ANKS4B: variants seen among roughly 807,000 people sequenced by gnomAD.
The protein encoded by ANKS4B is ankyrin repeat and sterile alpha motif domain containing 4B.
In ANKS4B, 21 loss-of-function variants were observed where a neutral mutation model predicts 20.2. That is an observed-to-expected ratio of 1.04 (90% CI 0.74 to 1.50). The LOEUF is 1.50. Ranked by LOEUF, ANKS4B falls within the 40% of genes most tolerant of loss-of-function variation. ANKS4B has a pLI of 0.00. For synonymous variants in ANKS4B, 179 were observed against 194.5 expected, an observed-to-expected ratio of 0.92 and a Z score of 0.66; for missense variants, 473 against 494.6, an observed-to-expected ratio of 0.96 and a Z score of 0.41.
At position 21,233,917 on chromosome 16, in the gene ANKS4B, T is replaced by C. The variant is rs1379576326; in HGVS notation, c.164+16T>C. On this transcript the variant is annotated intron_variant, in intron 1 of 1. Transcript: ENST00000311620. ...GCAGTAGAGGGTAAGTTCAACCCGA[T>C]GGTTTCTGTTGGAAACAGTGTTCAT... 3.1e-6 allele frequency: 5 copies of C among 1,602,884 alleles called. No individual in the cohort carries two copies. The African/African-American group carries it at 4.0e-5, about 13-fold the overall frequency.
intron 1 of ANKS4B, among the ~76,000 whole-genome samples, chr16:21,237,484 G>A (rs1189071978): frequency 6.6e-6 from 1 of 151,958 alleles, no homozygotes; most frequent in African/African-American, 2.4e-5. Flanking sequence ...CAAGATCAAG[G>A]CACCAGCAGG....
intron 1 of ANKS4B, among the ~76,000 whole-genome samples, chr16:21,247,662 T>C (rs1415343159): frequency 6.6e-6 from 1 of 152,234 alleles, no homozygotes; most frequent in Non-Finnish European, 1.5e-5. Flanking sequence ...CATTGGCGCA[T>C]GGCTCTGGCC....
In ANKS4B at chr16:21,241,305, A is replaced by G. The variant is rs1280189841; in HGVS notation, c.164+7404A>G. Reference sequence around the variant, plus strand: ...AGTACCCAATGTTTAGCTCTCACTCATAAGTAAGAATATGCGGTAGTGGGT... The same window carrying G: ...AGTACCCAATGTTTAGCTCTCACTCGTAAGTAAGAATATGCGGTAGTGGGT... On this transcript the variant is annotated intron_variant, in intron 1 of 1. Coordinates refer to ENST00000311620, the MANE Select transcript of ANKS4B (RefSeq NM_145865.3). Among the ~76,000 whole-genome samples, 4 of 152,318 alleles carry G rather than the reference A, an allele frequency of 2.6e-5. No homozygotes were observed. In the South Asian group the frequency reaches 8.3e-4, roughly 32 times the overall value.
At chr16:21,240,380 C>G (rs2093325080) in intron 1 of ANKS4B, among the ~76,000 whole-genome samples, 1 of 152,168 alleles carries the variant, frequency 6.6e-6, no homozygotes, top group Non-Finnish European at 1.5e-5. Flanking sequence ...CCTCCGCCAC[C>G]TAGGTTCGAG....
Position 21,251,732 on chromosome 16 carries a change from AGTG to A in ANKS4B, c.*920_*922del, listed in dbSNP as rs1326252661. 1 of 152,172 alleles carries A rather than the reference AGTG, an allele frequency of 6.6e-6. No individual in the cohort carries two copies. The highest frequency in any genetic ancestry group is 2.4e-5 in the African/African-American group (1 of 41,430). The allele number at this position is 152,172 out of a possible 1,614,324, so 9.4% of individuals were successfully genotyped here. A position where few individuals can be genotyped will look rare whatever the true frequency, so the allele number is the denominator to read the frequency against. On this transcript the variant is annotated 3_prime_UTR_variant, in exon 2 of 2. Transcript: ENST00000311620. ...TACTCCTGCCTGAGAATAGAGACAGAGTGGTGGTGGGGAGAGTGAAGAAAGAGA... is the reference window on the plus strand; with the variant it reads ...TACTCCTGCCTGAGAATAGAGACAGAGTGGTGGGGAGAGTGAAGAAAGAGA...
intron 1 of ANKS4B, 107 bp from the exon 2 acceptor site, chr16:21,249,624 T>G: frequency 8.0e-7 from 1 of 1,245,268 alleles, no homozygotes; most frequent in Non-Finnish European, 1.1e-6. Context: ...GATGAACATG[T>G]TTGTATTAAC....
Position 21,250,865 on chromosome 16 carries a change from T to G in ANKS4B, c.*45T>G. ...GCATTGGGGTGATGCTGTGGCCCGCTGGCAGCACTCCAGGCGGCACCCCCT... is the reference window on the plus strand; with the variant it reads ...GCATTGGGGTGATGCTGTGGCCCGCGGGCAGCACTCCAGGCGGCACCCCCT... On this transcript the variant is annotated 3_prime_UTR_variant, in exon 2 of 2. Transcript: ENST00000311620. The G allele has an allele frequency of 6.5e-7, 1 of 1,539,164 alleles. No individual in the cohort carries two copies. The highest frequency in any genetic ancestry group is 8.8e-7 in the Non-Finnish European group (1 of 1,140,364).
At chr16:21,246,307 AT>A (rs1375759945) in intron 1 of ANKS4B, among the ~76,000 whole-genome samples, 3 of 152,216 alleles carry the variant, frequency 2.0e-5, no homozygotes, top group Non-Finnish European at 2.9e-5. Flanking sequence ...GGAGAAAGTA[AT>A]TTGTGGAATG....
At chr16:21,233,934 A>G in intron 1 of ANKS4B, 33 bp downstream of exon 1, 1 of 1,592,522 alleles carries the variant, frequency 6.3e-7, no homozygotes, top group Non-Finnish European at 8.6e-7. Flanking sequence ...TGTTGGAAAC[A>G]GTGTTCATGG....
Position 21,250,697 on chromosome 16 carries a change from C to T in ANKS4B, c.1131C>T (p.Cys377=). The change falls in exon 2 of 2, where the codon TGC becomes TGT. Residue 377 remains cysteine (C), a synonymous_variant. Coordinates refer to ENST00000311620, the MANE Select transcript of ANKS4B (RefSeq NM_145865.3). The part of the protein sequence containing the change: ...EQIDLEALLL[C]SDEDLQSIQM... Reference sequence around the variant, plus strand: ...TTGATCTAGAAGCTCTGCTGCTCTGCTCTGATGAGGACCTTCAGAGCATAC... The same window carrying T: ...TTGATCTAGAAGCTCTGCTGCTCTGTTCTGATGAGGACCTTCAGAGCATAC... 1 of 1,613,300 alleles carries T rather than the reference C, an allele frequency of 6.2e-7. No individual in the cohort carries two copies. The highest frequency in any genetic ancestry group is 8.5e-7 in the Non-Finnish European group (1 of 1,179,248).
Position 21,250,802 on chromosome 16 carries a change from G to C in ANKS4B, c.1236G>C (p.Leu412=), listed in dbSNP as rs763414658. 2.5e-6 allele frequency: 4 copies of C among 1,594,174 alleles called. No homozygotes were observed. The South Asian group carries it at 4.4e-5, about 18-fold the overall frequency. Residue 412 remains leucine, a synonymous_variant, in exon 2 of 2, where the codon CTG becomes CTC. Transcript: ENST00000311620. ...AGGTGCTTCAACAGCCTGGGCAGCT[G>C]GTCGACACCAGCCTGTGATGGAGAG... ...RKQVLQQPGQ[L]VDTSL
chr16:21,236,852 A>G (rs957910075), intron 1 of ANKS4B, among the ~76,000 whole-genome samples: 5 of 152,238 alleles, frequency 3.3e-5, no homozygotes, highest in Non-Finnish European at 7.3e-5. Context: ...TATATATACT[A>G]TAGTGCATAC....
At chr16:21,247,333 GATTA>G (rs2093333593) in intron 1 of ANKS4B, among the ~76,000 whole-genome samples, 1 of 152,184 alleles carries the variant, frequency 6.6e-6, no homozygotes, top group Admixed American at 6.5e-5. Context: ...AAAGTGCTGG[GATTA>G]CAGGCATGAG....
intron 1 of ANKS4B, among the ~76,000 whole-genome samples, chr16:21,237,990 C>A (rs2093322245): frequency 6.6e-6 from 1 of 152,082 alleles, no homozygotes; most frequent in Admixed American, 6.5e-5. Flanking sequence ...GGTGAAACCC[C>A]ATCTCTACTA....
At position 21,233,894 on chromosome 16, in the gene ANKS4B, AGTAGAGG is replaced by A. The variant is rs1567224116; in HGVS notation, c.161_164+3del. 5 of 1,611,986 alleles carry A rather than the reference AGTAGAGG, an allele frequency of 3.1e-6. No individual in the cohort carries two copies. Among genetic ancestry groups the A allele is most frequent in the Non-Finnish European group, 4.2e-6 (5 of 1,179,074 alleles). On this transcript the variant is annotated frameshift_variant and splice_region_variant, in exon 1 of 2. Coordinates refer to ENST00000311620, the MANE Select transcript of ANKS4B (RefSeq NM_145865.3). LOFTEE classifies it high-confidence loss of function. ...CTTGGAAGCCCTAGAGATAATCTGC[AGTAGAGG>A]GTAAGTTCAACCCGATGGTTTCTGT...
chr16:21,247,323 A>C (rs1388106937), intron 1 of ANKS4B, among the ~76,000 whole-genome samples: 1 of 152,168 alleles, frequency 6.6e-6, no homozygotes, highest in Non-Finnish European at 1.5e-5. Context: ...TCGACCTCCC[A>C]AAGTGCTGGG....
intron 1 of ANKS4B, among the ~76,000 whole-genome samples, chr16:21,241,736 C>A (rs1038170810): frequency 3.9e-5 from 6 of 151,994 alleles, no homozygotes; most frequent in Non-Finnish European, 8.8e-5. Context: ...TATTAATTAA[C>A]AAAAATTATA....
intron 1 of ANKS4B, among the ~76,000 whole-genome samples, chr16:21,246,049 G>C (rs541219312): frequency 3.3e-5 from 5 of 152,294 alleles, no homozygotes; most frequent in African/African-American, 1.2e-4. Flanking sequence ...CAAAGAAATA[G>C]TATTTGAACA....
chr16:21,237,966 A>C (rs1221605831), intron 1 of ANKS4B, among the ~76,000 whole-genome samples: 1 of 152,198 alleles, frequency 6.6e-6, no homozygotes, highest in East Asian at 1.9e-4. Context: ...GTTCGAGGCC[A>C]GCCTGGCCAA....
Sources: allele counts gnomAD v4.1 joint callset (sites outside exome capture counted in the v4.1 genomes callset), GRCh38; gene constraint gnomAD v4.1.1; transcripts MANE v1.5; gene names NCBI Gene and HGNC (gene_info 2026-07-23, HGNC 2026-07-21).